GK5: variants seen among roughly 807,000 people sequenced by gnomAD.
The protein encoded by GK5 is ATP:glycerol 3-phosphotransferase 5.
GK5 carries 39 observed loss-of-function variants against 77.3 expected under a neutral mutation model. The observed-to-expected ratio is 0.50, with a 90% CI of 0.39 to 0.66. The LOEUF (loss-of-function observed/expected upper bound fraction) is 0.66, where lower values mean the gene tolerates loss of function less well. GK5 is among the 30% of genes least tolerant of loss of function. The pLI is 0.00. For missense variants in GK5, 487 were observed against 633.8 expected (o/e 0.77, Z 2.49); for synonymous variants, 211 against 208.0 (o/e 1.01, Z -0.13).
At chr3:142,170,285 T>C in intron 15 of GK5, 40 bp downstream of exon 15, 1 of 1,605,210 alleles carries the variant, frequency 6.2e-7, no homozygotes, top group Non-Finnish European at 8.5e-7. Flanking sequence ...TAAGGAAGAG[T>C]TTGCAAGAAA....
Position 142,198,905 on chromosome 3 carries a change from T to G in GK5, c.440A>C (p.His147Pro). The G allele has an allele frequency of 1.2e-6, 2 of 1,612,872 alleles. No individual in the cohort carries two copies. The highest frequency in any genetic ancestry group is 1.3e-5 in the African/African-American group (1 of 75,018). The part of the protein sequence containing the change: ...KIFHSSCRVL[H>P]FFTRSKRLFT... ...AAGTCGTTTACTTCTAGTGAAAAAGTGAAGCACTCGGCAAGAACTGTGAAA... is the reference window on the plus strand; with the variant it reads ...AAGTCGTTTACTTCTAGTGAAAAAGGGAAGCACTCGGCAAGAACTGTGAAA... Residue 147 changes from histidine to proline, a missense_variant, in exon 5 of 16, where the codon CAC becomes CCC. Around this residue, in one of 4 missense-constraint regions of GK5, gnomAD observed 323 missense variants for 437.4 expected, o/e 0.74. Transcript: ENST00000392993.
intron 1 of GK5, among the ~76,000 whole-genome samples, chr3:142,222,492 G>A (rs892779633): frequency 2.6e-5 from 4 of 152,044 alleles, no homozygotes; most frequent in Non-Finnish European, 5.9e-5. Flanking sequence ...ATGAAGCCGG[G>A]AGGCGGAGCT....
At position 142,162,242 on chromosome 3, in the gene GK5, T is replaced by C. The variant is rs2063431344; in HGVS notation, c.*3380A>G. The C allele has an allele frequency of 6.6e-6, 1 of 152,120 alleles. No homozygotes were observed. The highest frequency in any genetic ancestry group is 1.5e-5 in the Non-Finnish European group (1 of 68,028). The allele number at this position is 152,120 out of a possible 1,614,324, so 9.4% of individuals were successfully genotyped here. ...GGAGTATGACACTATATTCACTGAG[T>C]CTTCGATTTTCTTCTAACAGCCTGT... On this transcript the variant is annotated 3_prime_UTR_variant, in exon 16 of 16. Coordinates refer to ENST00000392993, the MANE Select transcript of GK5 (RefSeq NM_001039547.3).
intron 3 of GK5, among the ~76,000 whole-genome samples, 182 bp from the exon 4 acceptor site, chr3:142,204,970 T>C (rs2107791784): frequency 6.6e-6 from 1 of 152,336 alleles, no homozygotes; most frequent in East Asian, 1.9e-4. Flanking sequence ...ACAACAATTA[T>C]GTGACATATA....
rs756134823 is a variant in GK5 at position 142,165,804 on chromosome 3, G to A, written c.1442-34C>T. On this transcript the variant is annotated intron_variant, in intron 15 of 15. Coordinates refer to ENST00000392993, the MANE Select transcript of GK5 (RefSeq NM_001039547.3). ...AAAAAAATTATCCTCAAATTTTAAG[G>A]CAAATCATGAGTCCAATAAAGTTTA... is the stretch of plus-strand genomic sequence containing the variant. The A allele has an allele frequency of 2.7e-6, 4 of 1,485,266 alleles. No homozygotes were observed. The African/African-American group carries it at 4.3e-5, about 16-fold the overall frequency. The allele number at this position is 1,485,266 out of a possible 1,614,324, so 92.0% of individuals were successfully genotyped here.
At chr3:142,208,467 A>G (rs1267267488) in intron 3 of GK5, among the ~76,000 whole-genome samples, 1 of 152,166 alleles carries the variant, frequency 6.6e-6, no homozygotes, top group African/African-American at 2.4e-5. Context: ...TCATTTTTGT[A>G]TATGGTATTA....
intron 4 of GK5, among the ~76,000 whole-genome samples, chr3:142,203,037 C>A (rs2064050592): frequency 6.6e-6 from 1 of 151,884 alleles, no homozygotes; most frequent in Non-Finnish European, 1.5e-5. Context: ...GTGTTAAACA[C>A]CTCAATGACC....
At chr3:142,200,155 GTTT>G (rs769742790) in intron 4 of GK5, among the ~76,000 whole-genome samples, 4 of 150,064 alleles carry the variant, frequency 2.7e-5, no homozygotes, top group Non-Finnish European at 4.4e-5. Context: ...ATGGTTTTTG[GTTT>G]TTTTTGAGAC....
In GK5 at chr3:142,165,395, A is replaced by G; in HGVS notation, c.*227T>C. ...AATGTCCTTTGGAATTTGCTACAAA[A>G]TAGAAGATATAAAGTTTTGAGGTAT... On this transcript the variant is annotated 3_prime_UTR_variant, in exon 16 of 16. Coordinates refer to ENST00000392993, the MANE Select transcript of GK5 (RefSeq NM_001039547.3). The G allele has an allele frequency of 2.6e-6, 1 of 381,258 alleles. No homozygotes were observed. 23.6% of individuals were successfully genotyped at this position (381,258 alleles called of 1,614,324 possible).
At chr3:142,213,392 C>A (rs918315770) in intron 3 of GK5, 134 bp downstream of exon 3, 1 of 630,558 alleles carries the variant, frequency 1.6e-6, no homozygotes, top group Non-Finnish European at 2.9e-6. Context: ...AGAAAGCAGG[C>A]ACATTTCATC....
intron 4 of GK5, among the ~76,000 whole-genome samples, chr3:142,201,314 T>C (rs2064017995): frequency 1.3e-5 from 2 of 152,200 alleles, no homozygotes; most frequent in African/African-American, 4.8e-5. Context: ...AATAAACTAC[T>C]GATACAGGCA....
chr3:142,173,317 A>C (rs1181057422), intron 12 of GK5: 7 of 336,574 alleles, frequency 2.1e-5, no homozygotes, highest in Non-Finnish European at 4.1e-5. Context: ...TTGAGCTGGA[A>C]GTATGTATTA....
At chr3:142,190,529 C>A (rs1039523078) in intron 5 of GK5, among the ~76,000 whole-genome samples, 1 of 152,118 alleles carries the variant, frequency 6.6e-6, no homozygotes, top group Non-Finnish European at 1.5e-5. Flanking sequence ...TCAAAATCAA[C>A]GAAGACCTCA....
At chr3:142,173,002 A>G (rs528361604) in intron 12 of GK5, 5 of 245,402 alleles carry the variant, frequency 2.0e-5, no homozygotes, top group Admixed American at 1.3e-4. Flanking sequence ...CAGGAATTCA[A>G]CACTATCCTG....
intron 1 of GK5, among the ~76,000 whole-genome samples, chr3:142,221,539 A>C (rs559712179): frequency 6.6e-6 from 1 of 152,320 alleles, no homozygotes; most frequent in African/African-American, 2.4e-5. Context: ...TTTTATTAAA[A>C]ACAAAAGACA....
At chr3:142,182,810 T>C (rs1175352837) in intron 10 of GK5, 113 bp downstream of exon 10, 2 of 668,344 alleles carry the variant, frequency 3.0e-6, no homozygotes, top group Non-Finnish European at 4.9e-6. Flanking sequence ...TTAAGAATAA[T>C]AAAATATGTT....
chr3:142,216,983 T>C (rs1290041875), intron 1 of GK5, among the ~76,000 whole-genome samples: 1 of 152,184 alleles, frequency 6.6e-6, no homozygotes, highest in Admixed American at 6.5e-5. Context: ...CCTCATAGGA[T>C]TTATAAAAAC....
In GK5 at chr3:142,176,074, A is replaced by G. The variant is rs183363519; in HGVS notation, c.1143+1408T>C. On this transcript the variant is annotated intron_variant, in intron 12 of 15. Transcript: ENST00000392993. ...AAAAATTTTCACTTTCTGGACTATGATAGGTGCTATTTAGAGGTTCCCTCA... is the reference window on the plus strand; with the variant it reads ...AAAAATTTTCACTTTCTGGACTATGGTAGGTGCTATTTAGAGGTTCCCTCA... Among the ~76,000 whole-genome samples, 3 of 152,142 alleles carry G rather than the reference A, an allele frequency of 2.0e-5. No individual in the cohort carries two copies. In the East Asian group the frequency reaches 5.8e-4, roughly 29 times the overall value.
chr3:142,195,123 T>C (rs1474254279), intron 5 of GK5, among the ~76,000 whole-genome samples: 1 of 152,010 alleles, frequency 6.6e-6, no homozygotes, highest in Non-Finnish European at 1.5e-5. Flanking sequence ...ACTGACATGA[T>C]CATGTGTTTT....
Sources: gnomAD v4.1 joint callset for allele counts (sites outside exome capture counted in the v4.1 genomes callset) on GRCh38, gnomAD v4.1.1 for gene constraint, gnomAD v4.1.1 regional missense constraint, MANE v1.5 for transcripts, NCBI Gene and HGNC (gene_info 2026-07-23, HGNC 2026-07-21) for gene names.